RNLS: variants seen among roughly 807,000 people sequenced by gnomAD.
The protein encoded by RNLS is renalase.
A neutral mutation model predicts 39.8 loss-of-function variants in RNLS; 39 were observed. That is an observed-to-expected ratio of 0.98 (90% CI 0.76 to 1.28). The LOEUF (loss-of-function observed/expected upper bound fraction) is 1.28, where lower values mean the gene tolerates loss of function less well. RNLS is among the 50% of genes most tolerant of loss of function. RNLS has a pLI of 0.00. For missense variants in RNLS, 410 were observed against 413.3 expected (o/e 0.99, Z 0.07); for synonymous variants, 147 against 150.7 (o/e 0.98, Z 0.18).
intron 3 of RNLS, among the ~76,000 whole-genome samples, chr10:88,578,862 C>T (rs889211953): frequency 2.0e-5 from 3 of 152,044 alleles, no homozygotes; most frequent in Non-Finnish European, 2.9e-5. Flanking sequence ...TCCATGAAGG[C>T]AAGGACATTG....
intron 4 of RNLS, among the ~76,000 whole-genome samples, chr10:88,423,973 C>G (rs548289886): frequency 6.7e-4 from 102 of 152,316 alleles, no homozygotes; most frequent in African/African-American, 2.3e-3. Context: ...GACCTAGGGA[C>G]AAGTGTCCCT....
chr10:88,502,942 T>A (rs1845588323), intron 4 of RNLS, among the ~76,000 whole-genome samples: 1 of 150,992 alleles, frequency 6.6e-6, no homozygotes, highest in Non-Finnish European at 1.5e-5. Context: ...ACAGGAAAAC[T>A]TTAAACAAAT....
chr10:88,502,986 C>T (rs1845589988), intron 4 of RNLS, among the ~76,000 whole-genome samples: 1 of 152,064 alleles, frequency 6.6e-6, no homozygotes. Flanking sequence ...CTGTGATTCC[C>T]CAGGTACTGG....
intron 4 of RNLS, among the ~76,000 whole-genome samples, chr10:88,417,066 G>A (rs1187701205): frequency 6.6e-6 from 1 of 152,234 alleles, no homozygotes; most frequent in African/African-American, 2.4e-5. Context: ...AGTTATATAG[G>A]ATGAGAATCT....
At chr10:88,194,159 A>G in the RNLS span, among the ~76,000 whole-genome samples, 1 of 152,178 alleles carries the variant, frequency 6.6e-6, no homozygotes, top group East Asian at 1.9e-4. Flanking sequence ...CTAAAGCAGG[A>G]TTTCTCAACC....
chr10:88,264,099 A>G, the RNLS span, among the ~76,000 whole-genome samples: 1 of 152,112 alleles, frequency 6.6e-6, no homozygotes, highest in Admixed American at 6.5e-5. Flanking sequence ...TAGTTACTTC[A>G]CTTAGAATAA....
At chr10:88,193,219 G>A in the RNLS span, among the ~76,000 whole-genome samples, 48 of 152,252 alleles carry the variant, frequency 3.2e-4, no homozygotes, top group Non-Finnish European at 5.9e-4. Flanking sequence ...GAGAAGAAGG[G>A]GAAAGGTGCA....
the RNLS span, among the ~76,000 whole-genome samples, chr10:88,232,980 G>A: frequency 1.3e-5 from 2 of 152,312 alleles, no homozygotes; most frequent in East Asian, 3.9e-4. Flanking sequence ...CAACTCACCC[G>A]TGAGCATCCT....
intron 4 of RNLS, among the ~76,000 whole-genome samples, chr10:88,460,667 C>T (rs938180378): frequency 3.9e-5 from 6 of 152,146 alleles, no homozygotes; most frequent in Non-Finnish European, 5.9e-5. Flanking sequence ...CCCCCAAATA[C>T]TAGTTGAGTG....
At chr10:88,411,724 A>C (rs541669298) in intron 4 of RNLS, among the ~76,000 whole-genome samples, 1 of 152,282 alleles carries the variant, frequency 6.6e-6, no homozygotes, top group Admixed American at 6.5e-5. Context: ...TTAAAACATA[A>C]TGTATGCATT....
At chr10:88,314,087 T>C (rs919185687) in intron 6 of RNLS, among the ~76,000 whole-genome samples, 5 of 152,174 alleles carry the variant, frequency 3.3e-5, no homozygotes, top group African/African-American at 1.2e-4. Context: ...ATTTGACATA[T>C]TGCAAAATCT....
At chr10:88,554,594 G>C (rs1011370712) in intron 4 of RNLS, among the ~76,000 whole-genome samples, 5 of 151,660 alleles carry the variant, frequency 3.3e-5, no homozygotes, top group Non-Finnish European at 5.9e-5. Flanking sequence ...CTTGCTTCTT[G>C]TTTCTCTGGG....
the RNLS span, among the ~76,000 whole-genome samples, chr10:88,258,806 A>G: frequency 6.6e-6 from 1 of 152,192 alleles, no homozygotes. Context: ...AGTTTTAGGA[A>G]CTACATCCAC....
the RNLS span, among the ~76,000 whole-genome samples, chr10:88,191,743 T>C: frequency 3.3e-5 from 5 of 152,282 alleles, no homozygotes; most frequent in African/African-American, 1.2e-4. Context: ...GCAATGTAGT[T>C]ATGTGTAGGA....
intron 3 of RNLS, among the ~76,000 whole-genome samples, chr10:88,580,582 C>A (rs995691682): frequency 6.6e-6 from 1 of 152,082 alleles, no homozygotes; most frequent in African/African-American, 2.4e-5. Flanking sequence ...CATCAATTAT[C>A]CAAGAAAAAT....
chr10:88,501,672 T>C (rs1845492766), intron 4 of RNLS, among the ~76,000 whole-genome samples: 1 of 152,206 alleles, frequency 6.6e-6, no homozygotes, highest in South Asian at 2.1e-4. Context: ...TTGCACATTT[T>C]GTATTCAAAG....
intron 6 of RNLS, among the ~76,000 whole-genome samples, chr10:88,298,214 T>C (rs1473587972): frequency 6.6e-6 from 1 of 152,144 alleles, no homozygotes; most frequent in Non-Finnish European, 1.5e-5. Context: ...GTAAGAGTTC[T>C]TTATACATTC....
chr10:88,556,647 T>C (rs2134363384), intron 4 of RNLS, among the ~76,000 whole-genome samples: 1 of 152,286 alleles, frequency 6.6e-6, no homozygotes, highest in Non-Finnish European at 1.5e-5. Flanking sequence ...ACAGCCACAC[T>C]GGCTGCCTTA....
rs532403039 is a variant in RNLS, at chr10:88,432,102, T to C, written c.527-69377A>G. On this transcript the variant is annotated intron_variant, in intron 4 of 6. Transcript: ENST00000331772. ...TTGTCTACTTCTTCTTATGGCTTTA[T>C]CATTTTTTTTCCTCATTATCATGTA... Among the ~76,000 whole-genome samples, 108 of 151,940 alleles carry C rather than the reference T, an allele frequency of 7.1e-4. 1 individual carries two copies. In the South Asian group the frequency reaches 8.5e-3, roughly 12 times the overall value.
Sources: gnomAD v4.1 joint callset for allele counts (sites outside exome capture counted in the v4.1 genomes callset) on GRCh38, gnomAD v4.1.1 for gene constraint, MANE v1.5 for transcripts, NCBI Gene and HGNC (gene_info 2026-07-23, HGNC 2026-07-21) for gene names.